CPNE7: variants seen among roughly 807,000 people sequenced by gnomAD.
CPNE7 encodes the protein copine 7, also known as copine-7.
A neutral mutation model predicts 66.5 loss-of-function variants in CPNE7; 78 were observed. The observed-to-expected ratio is 1.17, with a 90% CI of 0.98 to 1.42. The LOEUF (loss-of-function observed/expected upper bound fraction) is 1.42. Among genes scored for constraint, CPNE7 ranks in the 40% most tolerant of loss-of-function variants. The pLI, the probability that CPNE7 is intolerant of heterozygous loss-of-function variation, is 0.00. For missense variants in CPNE7, 1,012 were observed against 776.6 expected (o/e 1.30, Z -3.60); for synonymous variants, 468 against 336.7 (o/e 1.39, Z -4.27).
chr16:89,583,547 A>G, intron 2 of CPNE7, 150 bp from the exon 3 acceptor site: 1 of 1,582,762 alleles, frequency 6.3e-7, no homozygotes, highest in East Asian at 2.3e-5. Flanking sequence ...GAGCAGCCAC[A>G]AAGGGGGCGC....
At chr16:89,590,694 C>T (rs2059152976) in intron 11 of CPNE7, among the ~76,000 whole-genome samples, 1 of 147,914 alleles carries the variant, frequency 6.8e-6, no homozygotes, top group African/African-American at 2.5e-5. Flanking sequence ...GGTTTGGCTT[C>T]CCCTAGAAAC....
Position 89,576,088 on chromosome 16 carries a change from G to C in CPNE7, c.174+17G>C, listed in dbSNP as rs77278584. ...TGGGTGCAGGTAGGGCCGGGGCGTG[G>C]GAGGCCGAGAGGCCACCGGGCCGGG... On this transcript the variant is annotated intron_variant, in intron 1 of 14. Coordinates refer to ENST00000319518, the MANE Select transcript of CPNE7 (RefSeq NM_153636.3). The C allele has an allele frequency of 6.4e-3, 7,963 of 1,249,462 alleles. 414 individuals carry two copies. In the African/African-American group the frequency reaches 0.11, roughly 17 times the overall value. The allele number at this position is 1,249,462 out of a possible 1,614,324, so 77.4% of individuals were successfully genotyped here.
At position 89,588,580 on chromosome 16, in the gene CPNE7, A is replaced by T. The variant is rs557309163; in HGVS notation, c.928-95A>T. The T allele has an allele frequency of 3.9e-5, 59 of 1,520,198 alleles. No individual in the cohort carries two copies. The African/African-American group carries it at 7.1e-4, about 18-fold the overall frequency. The allele number at this position is 1,520,198 out of a possible 1,614,324, so 94.2% of individuals were successfully genotyped here. A position where few individuals can be genotyped will look rare whatever the true frequency, so the allele number is the denominator to read the frequency against. ...CCCACCTACGCGACCCCTGACCCTGAGTCCTGGCCACTCTGGGCGTGGTTT... is the reference window on the plus strand; with the variant it reads ...CCCACCTACGCGACCCCTGACCCTGTGTCCTGGCCACTCTGGGCGTGGTTT... On this transcript the variant is annotated intron_variant, in intron 9 of 14. Transcript: ENST00000319518.
chr16:89,578,067 CTTT>C (rs11340227), intron 2 of CPNE7, among the ~76,000 whole-genome samples: 6 of 113,574 alleles, frequency 5.3e-5, no homozygotes, highest in Non-Finnish European at 7.8e-5. Flanking sequence ...TTTTCTTTTT[CTTT>C]TTTTTTTTTT....
chr16:89,578,895 G>A (rs1357187544), intron 2 of CPNE7: 4 of 1,613,590 alleles, frequency 2.5e-6, no homozygotes. Flanking sequence ...TGATGAGAGT[G>A]TCTGTTGATG....
intron 14 of CPNE7, among the ~76,000 whole-genome samples, 174 bp from the exon 15 acceptor site, chr16:89,596,310 T>G (rs1312821377): frequency 6.6e-6 from 1 of 152,186 alleles, no homozygotes; most frequent in Admixed American, 6.5e-5. Context: ...ACGTGCAGCC[T>G]CATGTGGCCG....
chr16:89,592,851 C>T (rs1366539035), intron 13 of CPNE7, among the ~76,000 whole-genome samples: 2 of 98,152 alleles, frequency 2.0e-5, no homozygotes, highest in African/African-American at 8.7e-5. Flanking sequence ...TTACTCTTGT[C>T]ACCCAGGCTG....
In CPNE7 at chr16:89,584,122, A is replaced by G. The variant is rs758736211; in HGVS notation, c.507+20A>G. On this transcript the variant is annotated intron_variant, in intron 4 of 14. Coordinates refer to ENST00000319518, the MANE Select transcript of CPNE7 (RefSeq NM_153636.3). The surrounding 1 kb of genome is among the most constrained non-coding windows in gnomAD (Gnocchi z 6.0). ...GACAAGGTGAGTGCAGGTGCCGGGC[A>G]CGCCTGGCTCAGGCTGAGGTCCGGG... The G allele has an allele frequency of 3.7e-6, 6 of 1,603,312 alleles. No homozygotes were observed. The East Asian group carries it at 8.9e-5, about 24-fold the overall frequency.
chr16:89,588,231 C>A (rs1213135173), intron 9 of CPNE7, among the ~76,000 whole-genome samples: 1 of 152,130 alleles, frequency 6.6e-6, no homozygotes, highest in Non-Finnish European at 1.5e-5. Flanking sequence ...ATACACGGCC[C>A]CCGTGTCACC....
chr16:89,589,912 C>T lies in CPNE7; in HGVS notation c.1077C>T (p.Ser359=), dbSNP rs142982895. ...CQDYDSDKRF[S]ALGFGARIPP... The stretch of plus-strand genomic sequence containing the variant: ...TCTCTTCCAGTGACAAGAGGTTTTC[C>T]GCTTTGGGGTTTGGAGCCCGGATCC... The change falls in exon 11 of 15, where the codon TCC becomes TCT. Residue 359 remains serine (S), a synonymous_variant. Coordinates refer to ENST00000319518, the MANE Select transcript of CPNE7 (RefSeq NM_153636.3). The T allele has an allele frequency of 1.1e-3, 1,820 of 1,613,774 alleles. 18 individuals are homozygous for T. Among genetic ancestry groups the T allele is most frequent in the Middle Eastern group, 7.3e-3 (44 of 6,060 alleles).
chr16:89,584,084 C>A lies in CPNE7; in HGVS notation c.489C>A (p.Ala163=). Residue 163 remains alanine, a synonymous_variant, in exon 4 of 15, where the codon GCC becomes GCA. Coordinates refer to ENST00000319518, the MANE Select transcript of CPNE7 (RefSeq NM_153636.3). This position sits in a 1 kb window ranked among gnomAD's most constrained non-coding sequence, Gnocchi z 6.0. ...GCTACGTGGAGCTCTCCTTCCGGGC[C>A]AGGAAGCTGGACGACAAGGTGAGTG... ...NNGYVELSFR[A]RKLDDKDLFS... is the part of the protein sequence containing the mutation. 6.2e-7 allele frequency: 1 copy of A among 1,611,690 alleles called. No homozygotes were observed. Among genetic ancestry groups the A allele is most frequent in the Non-Finnish European group, 8.5e-7 (1 of 1,179,376 alleles).
At chr16:89,593,965 G>T (rs2059213711) in intron 13 of CPNE7, 1 of 152,184 alleles carries the variant, frequency 6.6e-6, no homozygotes, top group Admixed American at 6.5e-5. Flanking sequence ...TTTTTAAGCA[G>T]CCACGACACC....
intron 2 of CPNE7, 110 bp from the exon 3 acceptor site, chr16:89,583,587 G>T (rs933868996): frequency 2.5e-6 from 4 of 1,604,722 alleles, no homozygotes; most frequent in Admixed American, 1.7e-5. Context: ...TCATGGTGGG[G>T]GATGGGGAGA....
At position 89,584,255 on chromosome 16, in the gene CPNE7, C is replaced by T. The variant is rs2059001405; in HGVS notation, c.507+153C>T. On this transcript the variant is annotated intron_variant, in intron 4 of 14. Coordinates refer to ENST00000319518, the MANE Select transcript of CPNE7 (RefSeq NM_153636.3). The surrounding 1 kb of genome is among the most constrained non-coding windows in gnomAD (Gnocchi z 6.0). ...GGGCTGGGCGTGCTGCCGTCACGGT[C>T]GCCATCATCACTGTCACCGCCATTA... Among the ~76,000 whole-genome samples the T allele has an allele frequency of 6.6e-6, 1 of 152,182 alleles. No homozygotes were observed. Among genetic ancestry groups the T allele is most frequent in the Non-Finnish European group, 1.5e-5 (1 of 68,018 alleles).
chr16:89,594,642 C>CT (rs57032352), intron 13 of CPNE7, among the ~76,000 whole-genome samples: 1,314 of 86,860 alleles, frequency 0.015, 381 homozygotes, highest in Non-Finnish European at 0.021. Flanking sequence ...TCCATTCTGC[C>CT]TTTTTTTTTT....
Position 89,596,683 on chromosome 16 carries a change from C to T in CPNE7, c.*62C>T. 1.4e-6 allele frequency: 2 copies of T among 1,477,222 alleles called. No individual in the cohort carries two copies. The highest frequency in any genetic ancestry group is 1.8e-6 in the Non-Finnish European group (2 of 1,119,090). The allele number at this position is 1,477,222 out of a possible 1,614,324, so 91.5% of individuals were successfully genotyped here. A position where few individuals can be genotyped will look rare whatever the true frequency, so the allele number is the denominator to read the frequency against. On this transcript the variant is annotated 3_prime_UTR_variant, in exon 15 of 15. Coordinates refer to ENST00000319518, the MANE Select transcript of CPNE7 (RefSeq NM_153636.3). ...GGGTCCGTACAGCCTCTGTCTGCAACATGCTTGGGGTCCCTTAAGCTCCCT... is the reference window on the plus strand; with the variant it reads ...GGGTCCGTACAGCCTCTGTCTGCAATATGCTTGGGGTCCCTTAAGCTCCCT...
chr16:89,595,782 A>G, intron 14 of CPNE7, 179 bp downstream of exon 14: 1 of 712,986 alleles, frequency 1.4e-6, no homozygotes, highest in East Asian at 2.7e-5. Context: ...GACTTTGAGC[A>G]CCTGAAACAC....
At chr16:89,587,133 C>A (rs1567959485) in intron 9 of CPNE7, 31 bp downstream of exon 9, 1 of 778,450 alleles carries the variant, frequency 1.3e-6, no homozygotes, top group South Asian at 2.9e-5. Context: ...CATGCCGCCC[C>A]CTCAGTCCGT....
rs1430273347 is a variant in CPNE7, at chr16:89,587,251, C to CT, written c.927+149_927+150insT. On this transcript the variant is annotated intron_variant, in intron 9 of 14. Coordinates refer to ENST00000319518, the MANE Select transcript of CPNE7 (RefSeq NM_153636.3). ...CCTCAGTCCGTGGCCCCGCCCCTCC[C>CT]GCCCCCTCAGTCTGTGGCCCCGCCC... is the stretch of plus-strand genomic sequence containing the variant. 5.9e-4 allele frequency: 122 copies of CT among 208,344 alleles called. 16 individuals carry two copies. In the African/African-American group the frequency reaches 0.016, roughly 28 times the overall value. 12.9% of individuals were successfully genotyped at this position (208,344 alleles called of 1,614,324 possible).
Sources: gnomAD v4.1 joint callset for allele counts (sites outside exome capture counted in the v4.1 genomes callset) on GRCh38, gnomAD v4.1.1 for gene constraint, Gnocchi (gnomAD v3.1) non-coding constraint, MANE v1.5 for transcripts, NCBI Gene and HGNC (gene_info 2026-07-23, HGNC 2026-07-21) for gene names.